Variants in ITGB3 observed in about 807,000 individuals in gnomAD.
The protein encoded by ITGB3 is integrin beta-3.
ITGB3 carries 48 observed loss-of-function variants against 85.8 expected under a neutral mutation model. The observed-to-expected ratio is 0.56, with a 90% CI of 0.44 to 0.71. ITGB3 has a LOEUF of 0.71. ITGB3 is among the 30% of genes least tolerant of loss of function. The probability of loss-of-function intolerance (pLI) is 0.00; values close to 1 mark genes in which losing one functional copy is unlikely to be tolerated. For synonymous variants in ITGB3, 363 were observed against 395.6 expected, an observed-to-expected ratio of 0.92 and a Z score of 0.98; for missense variants, 861 against 1,019.1, an observed-to-expected ratio of 0.84 and a Z score of 2.11.
At chr17:47,306,829 G>A (rs1040283514) in intron 13 of ITGB3, among the ~76,000 whole-genome samples, 28 of 151,748 alleles carry the variant, frequency 1.8e-4, no homozygotes, top group Admixed American at 5.3e-4. Context: ...ACAGGTGCTC[G>A]CCACCATGCT....
intron 10 of ITGB3, among the ~76,000 whole-genome samples, chr17:47,297,986 C>T (rs968975548): frequency 2.0e-5 from 3 of 152,010 alleles, no homozygotes; most frequent in African/African-American, 7.3e-5. Flanking sequence ...GATACACATT[C>T]TCTTCTCTAA....
At chr17:47,262,416 C>T (rs1567758995) in intron 1 of ITGB3, among the ~76,000 whole-genome samples, 2 of 152,156 alleles carry the variant, frequency 1.3e-5, no homozygotes, top group Admixed American at 1.3e-4. Flanking sequence ...TGAGATGCAG[C>T]GTTTGAGTCA....
intron 2 of ITGB3, among the ~76,000 whole-genome samples, chr17:47,274,813 A>T (rs893097026): frequency 6.6e-6 from 1 of 152,070 alleles, no homozygotes; most frequent in African/African-American, 2.4e-5. Flanking sequence ...AAAACAGTTT[A>T]TTTTAAATTT....
At chr17:47,294,889 T>G (rs1055556962) in intron 10 of ITGB3, among the ~76,000 whole-genome samples, 1 of 152,222 alleles carries the variant, frequency 6.6e-6, no homozygotes, top group African/African-American at 2.4e-5. Context: ...CCCTAGCCCA[T>G]GGCCTGTAAG....
chr17:47,288,208 G>A (rs1442834934), intron 6 of ITGB3, among the ~76,000 whole-genome samples: 2 of 100,392 alleles, frequency 2.0e-5, no homozygotes, highest in African/African-American at 8.9e-5. Flanking sequence ...CTCTTAGAAA[G>A]AGAGAGAGAG....
At chr17:47,304,882 C>T (rs931759321) in intron 13 of ITGB3, among the ~76,000 whole-genome samples, 1 of 152,008 alleles carries the variant, frequency 6.6e-6, no homozygotes, top group Non-Finnish European at 1.5e-5. Context: ...TGCTGGGATT[C>T]CAGGTGTGAG....
intron 1 of ITGB3, among the ~76,000 whole-genome samples, chr17:47,259,064 T>A (rs2065000244): frequency 6.6e-6 from 1 of 152,208 alleles, no homozygotes; most frequent in South Asian, 2.1e-4. Context: ...TTCTAAATTT[T>A]ATAATTGGAT....
intron 9 of ITGB3, chr17:47,291,387 T>C (rs1354723802): frequency 1.8e-6 from 1 of 570,530 alleles, no homozygotes; most frequent in East Asian, 2.9e-5. Context: ...GGAAAATATT[T>C]CTTTACCTTC....
Position 47,274,462 on chromosome 17 carries a change from G to A in ITGB3, c.123G>A (p.Gln41=). The A allele has an allele frequency of 1.9e-6, 3 of 1,613,848 alleles. No individual in the cohort carries two copies. Among genetic ancestry groups the A allele is most frequent in the South Asian group, 1.1e-5 (1 of 91,080 alleles). The change falls in exon 2 of 15, where the codon CAG becomes CAA. Residue 41 remains glutamine (Q), a synonymous_variant. Transcript: ENST00000559488. ...CTTRGVSSCQ[Q]CLAVSPMCAW... is the part of the protein sequence containing the mutation. The stretch of plus-strand genomic sequence containing the variant: ...CGCGAGGTGTGAGCTCCTGCCAGCA[G>A]TGCCTGGCTGTGAGCCCCATGTGTG...
chr17:47,298,469 C>G (rs1043490060), intron 10 of ITGB3, among the ~76,000 whole-genome samples: 17 of 152,142 alleles, frequency 1.1e-4, no homozygotes, highest in Non-Finnish European at 1.5e-4. Flanking sequence ...CTTGGATGCC[C>G]CACCCCATCT....
intron 1 of ITGB3, among the ~76,000 whole-genome samples, chr17:47,272,056 A>ATTTTTT (rs58156465): frequency 2.8e-4 from 29 of 103,302 alleles, no homozygotes; most frequent in African/African-American, 1.0e-3. Context: ...CACCGGGGCT[A>ATTTTTT]TTTTTTTTTT....
In ITGB3 at chr17:47,290,216, T is replaced by C. The variant is rs1284573407; in HGVS notation, c.1067T>C (p.Val356Ala). The change falls in exon 8 of 15, where the codon GTT becomes GCT. Residue 356 changes from valine to alanine, a missense_variant. Val to Ala is a moderately conservative substitution (Grantham distance 64). Transcript: ENST00000559488. ...NYSELIPGTT[V>A]GVLSMDSSNV... ...AGTGAGCTCATCCCAGGGACCACAG[T>C]TGGGGTTCTGTCCATGGATTCCAGC... The C allele has an allele frequency of 3.1e-6, 5 of 1,614,078 alleles. No homozygotes were observed. The highest frequency in any genetic ancestry group is 2.5e-6 in the Non-Finnish European group (3 of 1,179,934).
chr17:47,310,249 T>A lies in ITGB3; in HGVS notation c.*45T>A. On this transcript the variant is annotated 3_prime_UTR_variant, in exon 15 of 15. Coordinates refer to ENST00000559488, the MANE Select transcript of ITGB3 (RefSeq NM_000212.3). ...GATCATTATCAGCCTGTGCCACGAT[T>A]GCAGGAGTCCCTGCCATCATGTTTA... 1 of 1,542,764 alleles carries A rather than the reference T, an allele frequency of 6.5e-7. No homozygotes were observed.
chr17:47,302,890 A>C, intron 13 of ITGB3, 50 bp downstream of exon 13: 1 of 1,609,724 alleles, frequency 6.2e-7, no homozygotes, highest in Non-Finnish European at 8.5e-7. Flanking sequence ...GGAGAGGGAG[A>C]ACCATGTTAG....
At chr17:47,303,541 G>C (rs566999586) in intron 13 of ITGB3, 1 of 152,596 alleles carries the variant, frequency 6.6e-6, no homozygotes, top group South Asian at 2.1e-4. Flanking sequence ...GTTGCCAAGA[G>C]CAACTTGACT....
chr17:47,272,474 A>G (rs2065047895), intron 1 of ITGB3, among the ~76,000 whole-genome samples: 1 of 151,668 alleles, frequency 6.6e-6, no homozygotes, highest in Non-Finnish European at 1.5e-5. Context: ...TTCCGTTTTT[A>G]TGGTTTTCAA....
chr17:47,309,426 G>C (rs1468021650), intron 14 of ITGB3, among the ~76,000 whole-genome samples: 1 of 152,106 alleles, frequency 6.6e-6, no homozygotes, highest in African/African-American at 2.4e-5. Context: ...TCTGTGTTCT[G>C]AATTGCACCT....
intron 2 of ITGB3, 151 bp from the exon 3 acceptor site, chr17:47,283,203 A>G: frequency 1.2e-6 from 1 of 821,696 alleles, no homozygotes; most frequent in Non-Finnish European, 2.0e-6. Flanking sequence ...AACGGTCCTA[A>G]GGGATTATCC....
intron 1 of ITGB3, among the ~76,000 whole-genome samples, chr17:47,272,056 A>G (rs998377449): frequency 9.7e-6 from 1 of 103,322 alleles, no homozygotes; most frequent in Non-Finnish European, 2.0e-5. Flanking sequence ...CACCGGGGCT[A>G]TTTTTTTTTT....
Sources: allele counts gnomAD v4.1 joint callset (sites outside exome capture counted in the v4.1 genomes callset), GRCh38; gene constraint gnomAD v4.1.1; transcripts MANE v1.5; gene names NCBI Gene and HGNC (gene_info 2026-07-23, HGNC 2026-07-21).